The following SPP2 variants were observed in gnomAD, a reference collection of about 807,000 sequenced individuals.
SPP2 encodes the protein secreted phosphoprotein 2, also known as secreted phosphoprotein 24.
SPP2 carries 34 observed loss-of-function variants against 28.8 expected under a neutral mutation model. The observed-to-expected ratio is 1.18, with a 90% CI of 0.90 to 1.57. The LOEUF is 1.57. Ranked by LOEUF, SPP2 falls within the 40% of genes most tolerant of loss-of-function variation. The probability of loss-of-function intolerance (pLI) is 0.00; values close to 1 mark genes in which losing one functional copy is unlikely to be tolerated. For synonymous variants in SPP2, 96 were observed against 89.4 expected (o/e 1.07, Z -0.42); for missense variants, 269 against 263.9 (o/e 1.02, Z -0.13).
chr2:234,057,624 C>T (rs1693635222), intron 2 of SPP2, among the ~76,000 whole-genome samples: 3 of 152,236 alleles, frequency 2.0e-5, no homozygotes, highest in African/African-American at 7.2e-5. Context: ...GGCATCTTCC[C>T]TGCTCTGCCT....
chr2:234,060,362 T>C lies in SPP2; in HGVS notation c.334-7T>C. 6.2e-7 allele frequency: 1 copy of C among 1,611,268 alleles called. No homozygotes were observed. Among genetic ancestry groups the C allele is most frequent in the Non-Finnish European group, 8.5e-7 (1 of 1,177,622 alleles). ...GAAGAGAGAACTCACCCCTTTGTCT[T>C]TTCCAGTCCACAGCTGTTTGCAGAA... On this transcript the variant is annotated splice_region_variant and splice_polypyrimidine_tract_variant and intron_variant, in intron 3 of 7. Coordinates refer to ENST00000168148, the MANE Select transcript of SPP2 (RefSeq NM_006944.3).
At position 234,069,192 on chromosome 2, in the gene SPP2, A is replaced by AAGAGAG. The variant is rs143384388; in HGVS notation, c.551-718_551-713dup. Reference sequence around the variant, plus strand: ...CCCCCAGAGATGATTATTTGAGAGAAAGAGAGAGAGAGAGAGAGAGAGAAT... The same window carrying AAGAGAG: ...CCCCCAGAGATGATTATTTGAGAGAAAGAGAGAGAGAGAGAGAGAGAGAGAGAGAAT... On this transcript the variant is annotated intron_variant, in intron 6 of 7. Transcript: ENST00000168148. 8.8e-3 allele frequency among the ~76,000 whole-genome samples: 1,317 copies of AAGAGAG among 149,750 alleles called. 64 individuals carry two copies. The East Asian group carries it at 0.15, about 17-fold the overall frequency.
intron 2 of SPP2, 24 bp downstream of exon 2, chr2:234,051,119 C>T: frequency 2.5e-6 from 4 of 1,607,756 alleles, no homozygotes; most frequent in Non-Finnish European, 3.4e-6. Flanking sequence ...GAAATCTTCT[C>T]TACTCCTCCT....
chr2:234,072,393 C>T (rs1426955275), intron 7 of SPP2, among the ~76,000 whole-genome samples: 1 of 149,988 alleles, frequency 6.7e-6, no homozygotes, highest in Admixed American at 6.7e-5. Flanking sequence ...TAAATGATAT[C>T]TTTTTTTTTT....
At chr2:234,075,350 CTT>C (rs1361313025) in intron 7 of SPP2, among the ~76,000 whole-genome samples, 1 of 152,156 alleles carries the variant, frequency 6.6e-6, no homozygotes, top group Non-Finnish European at 1.5e-5. Flanking sequence ...CTCATCCTGT[CTT>C]TTTAAAAACA....
At position 234,059,006 on chromosome 2, in the gene SPP2, C is replaced by T. The variant is rs199929494; in HGVS notation, c.333+48C>T. On this transcript the variant is annotated intron_variant, in intron 3 of 7. Coordinates refer to ENST00000168148, the MANE Select transcript of SPP2 (RefSeq NM_006944.3). ...CAGAAATGAACAAAAGGAAGAGCCT[C>T]ACTTCTTCCATGACCTGGAGTCACA... 3.7e-4 allele frequency: 583 copies of T among 1,585,640 alleles called. 3 individuals are homozygous for T. Among genetic ancestry groups the T allele is most frequent in the Middle Eastern group, 2.9e-3 (17 of 5,894 alleles).
At chr2:234,059,546 A>T (rs986024919) in intron 3 of SPP2, among the ~76,000 whole-genome samples, 4 of 152,150 alleles carry the variant, frequency 2.6e-5, no homozygotes, top group African/African-American at 9.7e-5. Context: ...AAAAACAAAC[A>T]AACAAACAAA....
At chr2:234,060,319 C>G (rs1574827671) in intron 3 of SPP2, 50 bp from the exon 4 acceptor site, 1 of 1,273,030 alleles carries the variant, frequency 7.9e-7, no homozygotes, top group South Asian at 1.2e-5. Context: ...TGGAGGCTAT[C>G]CCTTTCCACA....
intron 4 of SPP2, among the ~76,000 whole-genome samples, chr2:234,062,293 C>T (rs1006013788): frequency 6.6e-5 from 10 of 152,062 alleles, no homozygotes; most frequent in East Asian, 3.8e-4. Context: ...AACTGGAAGG[C>T]GGGTAGAAGT....
intron 7 of SPP2, among the ~76,000 whole-genome samples, chr2:234,076,272 T>C (rs1282772959): frequency 6.6e-6 from 1 of 152,106 alleles, no homozygotes; most frequent in Non-Finnish European, 1.5e-5. Context: ...CTGACTGTTC[T>C]CCCGGGGTCC....
At chr2:234,053,648 A>T (rs1011986293) in intron 2 of SPP2, among the ~76,000 whole-genome samples, 1 of 151,906 alleles carries the variant, frequency 6.6e-6, no homozygotes, top group African/African-American at 2.4e-5. Flanking sequence ...TATTCTTTTA[A>T]TTGATTTCAA....
At chr2:234,057,590 C>T (rs1461544006) in intron 2 of SPP2, among the ~76,000 whole-genome samples, 2 of 152,188 alleles carry the variant, frequency 1.3e-5, no homozygotes, top group Admixed American at 6.5e-5. Flanking sequence ...CTGTGTGGCA[C>T]CTCCTCTGGA....
intron 4 of SPP2, among the ~76,000 whole-genome samples, chr2:234,062,372 C>T (rs2125459671): frequency 6.6e-6 from 1 of 152,098 alleles, no homozygotes; most frequent in Admixed American, 6.5e-5. Context: ...GGTGGGGTAC[C>T]CTGAATTGCC....
chr2:234,059,050 C>T, intron 3 of SPP2, 92 bp downstream of exon 3: 2 of 1,476,342 alleles, frequency 1.4e-6, no homozygotes, highest in South Asian at 1.4e-5. Flanking sequence ...TTGGTCGCTG[C>T]CTGGCTAGCA....
chr2:234,061,384 TATG>T (rs1693715684), intron 4 of SPP2, among the ~76,000 whole-genome samples: 1 of 152,116 alleles, frequency 6.6e-6, no homozygotes, highest in Non-Finnish European at 1.5e-5. Context: ...TGGACAAGAA[TATG>T]ATAAGAAGAG....
intron 6 of SPP2, among the ~76,000 whole-genome samples, chr2:234,068,377 A>G (rs1693869517): frequency 6.6e-6 from 1 of 152,186 alleles, no homozygotes; most frequent in Non-Finnish European, 1.5e-5. Flanking sequence ...CTTTAATCAG[A>G]TTTGTCAGAA....
intron 7 of SPP2, among the ~76,000 whole-genome samples, chr2:234,070,765 G>C (rs561826724): frequency 8.4e-4 from 128 of 152,182 alleles, no homozygotes; most frequent in Non-Finnish European, 1.1e-3. Flanking sequence ...CCTGGCCGAC[G>C]TATGCTTTAA....
intron 2 of SPP2, 116 bp from the exon 3 acceptor site, chr2:234,058,720 T>C (rs777117905): frequency 1.7e-6 from 2 of 1,201,748 alleles, no homozygotes; most frequent in Non-Finnish European, 2.3e-6. Flanking sequence ...GATAATTTAT[T>C]GCTTTCATGG....
intron 4 of SPP2, among the ~76,000 whole-genome samples, chr2:234,064,802 C>T (rs554809628): frequency 6.6e-6 from 1 of 152,312 alleles, no homozygotes; most frequent in East Asian, 1.9e-4. Context: ...CAAATGGAAT[C>T]GTACAGCCTG....
Sources: allele counts gnomAD v4.1 joint callset (sites outside exome capture counted in the v4.1 genomes callset), GRCh38; gene constraint gnomAD v4.1.1; transcripts MANE v1.5; gene names NCBI Gene and HGNC (gene_info 2026-07-23, HGNC 2026-07-21).